The following CNTN5 variants were observed in gnomAD, a reference collection of about 807,000 sequenced individuals.
CNTN5 encodes the protein contactin-5.
A neutral mutation model predicts 129.1 loss-of-function variants in CNTN5; 77 were observed. The ratio of observed to expected loss-of-function variants is 0.60; its 90% CI spans 0.50 to 0.72. The LOEUF (loss-of-function observed/expected upper bound fraction) is 0.72. Among genes scored for constraint, CNTN5 ranks in the 30% least tolerant of loss-of-function variants. CNTN5 has a pLI of 0.00. For synonymous variants in CNTN5, 509 were observed against 465.6 expected, an observed-to-expected ratio of 1.09 and a Z score of -1.20; for missense variants, 1,478 against 1,328.8, an observed-to-expected ratio of 1.11 and a Z score of -1.75.
intron 9 of CNTN5, among the ~76,000 whole-genome samples, chr11:100,030,241 T>C (rs1228439686): frequency 6.6e-6 from 1 of 151,776 alleles, no homozygotes; most frequent in Non-Finnish European, 1.5e-5. Context: ...AGACTAGCTA[T>C]AGTGGAATGC....
At chr11:99,553,973 C>CACACACACACACACACACAT in intron 2 of CNTN5, among the ~76,000 whole-genome samples, 1 of 118,822 alleles carries the variant, frequency 8.4e-6, no homozygotes, top group East Asian at 4.1e-4. Context: ...AATACACACA[C>CACACACACACACACACACAT]ACACACACAC....
intron 1 of CNTN5, among the ~76,000 whole-genome samples, chr11:99,163,559 A>C (rs1860722239): frequency 6.6e-6 from 1 of 152,160 alleles, no homozygotes; most frequent in East Asian, 1.9e-4. Flanking sequence ...TTTTTAAATA[A>C]TGTCATACTT....
intron 3 of CNTN5, among the ~76,000 whole-genome samples, chr11:99,751,333 A>G (rs540579140): frequency 2.1e-4 from 32 of 152,284 alleles, no homozygotes; most frequent in African/African-American, 7.2e-4. Context: ...GTGAAACTCC[A>G]TCTCAAAAAA....
chr11:99,672,733 A>G (rs562497248), intron 3 of CNTN5, among the ~76,000 whole-genome samples: 1 of 151,180 alleles, frequency 6.6e-6, no homozygotes, highest in East Asian at 1.9e-4. Flanking sequence ...TGACTTAATA[A>G]CCTTCATTTT....
intron 15 of CNTN5, among the ~76,000 whole-genome samples, chr11:100,203,089 CATTAAA>C (rs1419748202): frequency 6.6e-6 from 1 of 152,004 alleles, no homozygotes; most frequent in Admixed American, 6.6e-5. Flanking sequence ...ACTATTAAAA[CATTAAA>C]ATTAAAATTA....
chr11:99,465,520 G>A (rs1019056298), intron 2 of CNTN5, among the ~76,000 whole-genome samples: 1 of 151,830 alleles, frequency 6.6e-6, no homozygotes, highest in Non-Finnish European at 1.5e-5. Flanking sequence ...TAGACAATAT[G>A]TGTTTTCCAT....
intron 3 of CNTN5, among the ~76,000 whole-genome samples, chr11:99,668,959 G>C (rs968407748): frequency 2.6e-5 from 4 of 152,036 alleles, no homozygotes; most frequent in African/African-American, 9.7e-5. Flanking sequence ...GCTCCAACTG[G>C]GGGGAAAAGC....
intron 1 of CNTN5, among the ~76,000 whole-genome samples, chr11:99,249,324 G>T (rs111547767): frequency 0.017 from 2,575 of 152,166 alleles, 86 homozygotes; most frequent in African/African-American, 0.059. Context: ...TTTGTATCCT[G>T]AGACTTTGCT....
At chr11:99,326,535 G>A (rs1375962974) in intron 2 of CNTN5, among the ~76,000 whole-genome samples, 1 of 152,168 alleles carries the variant, frequency 6.6e-6, no homozygotes, top group Non-Finnish European at 1.5e-5. Flanking sequence ...GAAGATGTAG[G>A]AGTCTGAAGT....
chr11:100,299,147 A>AT lies in CNTN5; in HGVS notation c.2386-10dup, dbSNP rs751006146. 5 of 1,483,536 alleles carry AT rather than the reference A, an allele frequency of 3.4e-6. No individual in the cohort carries two copies. In the South Asian group the frequency reaches 6.3e-5, roughly 19 times the overall value. 91.9% of individuals were successfully genotyped at this position (1,483,536 alleles called of 1,614,324 possible). On this transcript the variant is annotated splice_polypyrimidine_tract_variant and intron_variant, in intron 19 of 24. Coordinates refer to ENST00000524871, the MANE Select transcript of CNTN5 (RefSeq NM_014361.4). ...AATCATTTTGCTGATAATTAATTATATTTTTCTTCTTTAGCCAGTATCTGA... is the reference window on the plus strand; with the variant it reads ...AATCATTTTGCTGATAATTAATTATATTTTTTCTTCTTTAGCCAGTATCTGA...
At chr11:99,805,255 G>T (rs1946232743) in intron 3 of CNTN5, among the ~76,000 whole-genome samples, 1 of 152,058 alleles carries the variant, frequency 6.6e-6, no homozygotes. Flanking sequence ...AGTGCTAATG[G>T]GTATAGAGAA....
intron 3 of CNTN5, among the ~76,000 whole-genome samples, chr11:99,574,933 A>C (rs1591300655): frequency 6.6e-6 from 1 of 152,134 alleles, no homozygotes; most frequent in African/African-American, 2.4e-5. Flanking sequence ...CTTCTTTTAA[A>C]ATGAAAAATG....
intron 2 of CNTN5, among the ~76,000 whole-genome samples, chr11:99,380,806 A>AAAAAGAAAAGAT (rs1940507558): frequency 6.6e-6 from 1 of 151,660 alleles, no homozygotes; most frequent in Non-Finnish European, 1.5e-5. Context: ...AAAGAAAAGA[A>AAAAAGAAAAGAT]AAAGAAACCC....
At chr11:99,821,850 G>C (rs531824823) in intron 4 of CNTN5, among the ~76,000 whole-genome samples, 1 of 152,254 alleles carries the variant, frequency 6.6e-6, no homozygotes, top group Admixed American at 6.5e-5. Context: ...CTCTAGGCTG[G>C]TAACCAATTT....
intron 1 of CNTN5, among the ~76,000 whole-genome samples, chr11:99,179,267 C>T (rs995670030): frequency 2.6e-5 from 4 of 151,986 alleles, no homozygotes; most frequent in African/African-American, 4.8e-5. Flanking sequence ...CATGGTGAAA[C>T]CCCATCTCTA....
chr11:99,789,714 A>G (rs572328954), intron 3 of CNTN5, among the ~76,000 whole-genome samples: 1 of 152,156 alleles, frequency 6.6e-6, no homozygotes, highest in South Asian at 2.1e-4. Flanking sequence ...TCTTCCACCC[A>G]TGAAGTTATC....
intron 2 of CNTN5, among the ~76,000 whole-genome samples, chr11:99,366,742 T>C (rs1043446030): frequency 1.3e-5 from 2 of 152,108 alleles, no homozygotes; most frequent in African/African-American, 4.8e-5. Flanking sequence ...TAGAAGTGAG[T>C]GACAAGGTGC....
At chr11:99,368,029 A>G (rs1433456003) in intron 2 of CNTN5, among the ~76,000 whole-genome samples, 1 of 152,144 alleles carries the variant, frequency 6.6e-6, no homozygotes. Flanking sequence ...AGCTTGCAAT[A>G]GACATTTGGA....
intron 15 of CNTN5, among the ~76,000 whole-genome samples, chr11:100,210,936 T>G (rs1338348344): frequency 1.3e-5 from 2 of 152,198 alleles, no homozygotes; most frequent in African/African-American, 2.4e-5. Context: ...AAGATAAGTT[T>G]GAAGTAATAT....
Sources: gnomAD v4.1 joint callset for allele counts (sites outside exome capture counted in the v4.1 genomes callset) on GRCh38, gnomAD v4.1.1 for gene constraint, MANE v1.5 for transcripts, NCBI Gene and HGNC (gene_info 2026-07-23, HGNC 2026-07-21) for gene names.